Variants in OR51B5 observed in about 807,000 individuals in gnomAD.
OR51B5 encodes olfactory receptor 51B5.
For synonymous variants in OR51B5, 186 were observed against 144.8 expected (o/e 1.28, Z -2.04); for missense variants, 456 against 374.6 (o/e 1.22, Z -1.79).
chr11:5,433,643 T>C (rs905820936), intron 1 of OR51B5, among the ~76,000 whole-genome samples: 4 of 152,090 alleles, frequency 2.6e-5, no homozygotes, highest in Non-Finnish European at 5.9e-5. Context: ...CTGGGCAACA[T>C]AGCAAGGCCC....
chr11:5,434,808 C>T (rs920746146), intron 1 of OR51B5, among the ~76,000 whole-genome samples: 5 of 152,152 alleles, frequency 3.3e-5, no homozygotes, highest in Admixed American at 3.3e-4. Flanking sequence ...TTGCCTGAAA[C>T]CCGTAAGTGG....
At chr11:5,402,004 T>G (rs1443656043) in intron 1 of OR51B5, among the ~76,000 whole-genome samples, 1 of 151,432 alleles carries the variant, frequency 6.6e-6, no homozygotes, top group African/African-American at 2.4e-5. Context: ...CTGTTCTCTT[T>G]TTCTTTCTTT....
chr11:5,492,150 T>G (rs1258753200), intron 1 of OR51B5, among the ~76,000 whole-genome samples: 1 of 152,098 alleles, frequency 6.6e-6, no homozygotes, highest in East Asian at 1.9e-4. Context: ...AGAACTACCC[T>G]GCCAAGTTCT....
intron 1 of OR51B5, among the ~76,000 whole-genome samples, chr11:5,378,555 C>G (rs562153538): frequency 6.6e-6 from 1 of 152,256 alleles, no homozygotes; most frequent in South Asian, 2.1e-4. Flanking sequence ...TTTTCACAAC[C>G]TACTCATCTG....
At chr11:5,361,271 G>C (rs1374479199) in intron 1 of OR51B5, among the ~76,000 whole-genome samples, 2 of 152,168 alleles carry the variant, frequency 1.3e-5, no homozygotes, top group African/African-American at 4.8e-5. Flanking sequence ...CCTAGATGCA[G>C]GAAGAAACCT....
intron 1 of OR51B5, among the ~76,000 whole-genome samples, chr11:5,504,329 G>A (rs527669369): frequency 6.6e-6 from 1 of 152,084 alleles, no homozygotes; most frequent in Non-Finnish European, 1.5e-5. Context: ...ACTTTAACAC[G>A]GCTTGTTTTT....
At chr11:5,440,275 A>T (rs1401081028) in intron 1 of OR51B5, among the ~76,000 whole-genome samples, 2 of 152,036 alleles carry the variant, frequency 1.3e-5, no homozygotes. Flanking sequence ...TCAAACAAGA[A>T]TTTTTCAGGA....
chr11:5,388,493 G>GA (rs1849736739), intron 1 of OR51B5, among the ~76,000 whole-genome samples: 1 of 149,784 alleles, frequency 6.7e-6, no homozygotes, highest in Non-Finnish European at 1.5e-5. Flanking sequence ...GCTATTTCAG[G>GA]AAAAAATGTT....
intron 1 of OR51B5, among the ~76,000 whole-genome samples, chr11:5,460,299 T>G (rs1851029053): frequency 6.6e-6 from 1 of 152,122 alleles, no homozygotes; most frequent in African/African-American, 2.4e-5. Flanking sequence ...GTACTAGGCA[T>G]AGTACCTTGG....
intron 1 of OR51B5, chr11:5,453,712 T>G: frequency 6.2e-7 from 1 of 1,613,946 alleles, no homozygotes; most frequent in Non-Finnish European, 8.5e-7. Context: ...GCCATATCCA[T>G]GGCCACACTG....
intron 1 of OR51B5, among the ~76,000 whole-genome samples, chr11:5,380,210 T>A (rs1404031188): frequency 1.3e-5 from 2 of 151,906 alleles, no homozygotes; most frequent in Non-Finnish European, 2.9e-5. Flanking sequence ...TCTGAAAGAG[T>A]TGCTGTGGGA....
rs371786900 is a variant in OR51B5 at position 5,417,478 on chromosome 11, G to C, written n.85-70568C>G. Among the ~76,000 whole-genome samples, 9 of 151,346 alleles carry C rather than the reference G, an allele frequency of 5.9e-5. No homozygotes were observed. In the East Asian group the frequency reaches 1.6e-3, roughly 28 times the overall value. On this transcript the variant is annotated intron_variant and non_coding_transcript_variant, in intron 1 of 4. Coordinates refer to the OR51B5 transcript ENST00000415970. ...TGCGCAGCAAAAGAAACTACCATCA[G>C]AGTGAACAGGCAACCCACAAAATGG...
intron 1 of OR51B5, among the ~76,000 whole-genome samples, chr11:5,443,946 G>A (rs754756679): frequency 6.6e-6 from 1 of 151,866 alleles, no homozygotes; most frequent in Non-Finnish European, 1.5e-5. Context: ...GGTATTTATA[G>A]GCACTATCTC....
At chr11:5,358,602 G>A (rs935025077) in intron 1 of OR51B5, among the ~76,000 whole-genome samples, 3 of 151,938 alleles carry the variant, frequency 2.0e-5, no homozygotes, top group Non-Finnish European at 2.9e-5. Context: ...GAAACTATTC[G>A]AATCAATAGT....
intron 1 of OR51B5, among the ~76,000 whole-genome samples, chr11:5,472,389 G>T (rs572495582): frequency 1.3e-5 from 2 of 152,230 alleles, no homozygotes; most frequent in East Asian, 1.9e-4. Context: ...ACCTCCTCAG[G>T]GTAGCTCTGG....
intron 1 of OR51B5, chr11:5,489,605 C>A (rs140556792): frequency 3.1e-5 from 50 of 1,613,786 alleles, no homozygotes; most frequent in African/African-American, 4.0e-5. Flanking sequence ...GGAGCTAGAA[C>A]CAAGGAGATT....
intron 1 of OR51B5, among the ~76,000 whole-genome samples, chr11:5,357,484 T>A (rs1005331719): frequency 6.6e-6 from 1 of 152,062 alleles, no homozygotes; most frequent in South Asian, 2.1e-4. Context: ...AGCAAGTCCT[T>A]AGAGACCTAC....
chr11:5,503,326 T>C (rs376687570), intron 1 of OR51B5, among the ~76,000 whole-genome samples: 22 of 152,248 alleles, frequency 1.4e-4, no homozygotes, highest in African/African-American at 5.1e-4. Context: ...CCAGAAAATA[T>C]AATGAAAAAA....
intron 1 of OR51B5, among the ~76,000 whole-genome samples, chr11:5,385,958 A>G (rs1276191517): frequency 6.8e-6 from 1 of 146,558 alleles, no homozygotes; most frequent in Non-Finnish European, 1.5e-5. Context: ...ATATATATCA[A>G]TAAGTATATA....
Sources: allele counts gnomAD v4.1 joint callset (sites outside exome capture counted in the v4.1 genomes callset), GRCh38; gene constraint gnomAD v4.1.1; transcripts MANE v1.5; gene names NCBI Gene and HGNC (gene_info 2026-07-23, HGNC 2026-07-21).